Variants in NRAS observed in about 807,000 individuals in gnomAD.
NRAS encodes NRAS proto-oncogene, GTPase.
NRAS carries 6 observed loss-of-function variants against 21.3 expected under a neutral mutation model. That is an observed-to-expected ratio of 0.28 (90% CI 0.15 to 0.56). The LOEUF is 0.56. Ranked by LOEUF, NRAS falls within the 20% of genes least tolerant of loss-of-function variation. The pLI is 0.93. For synonymous variants in NRAS, 84 were observed against 82.0 expected, an observed-to-expected ratio of 1.02 and a Z score of -0.13; for missense variants, 143 against 231.3, an observed-to-expected ratio of 0.62 and a Z score of 2.48.
Position 114,711,415 on chromosome 1 carries a change from T to C in NRAS, c.291-1687A>G, listed in dbSNP as rs1659041956. 2.0e-5 allele frequency among the ~76,000 whole-genome samples: 3 copies of C among 151,744 alleles called. No individual in the cohort carries two copies. In the South Asian group the frequency reaches 6.2e-4, roughly 32 times the overall value. ...GAGTTTGAAACCAGCCCGGCCAACA[T>C]GGTGAAACCCCAAGTCTACTAAAAA... is the stretch of plus-strand genomic sequence containing the variant. On this transcript the variant is annotated intron_variant, in intron 3 of 6. Coordinates refer to ENST00000369535, the MANE Select transcript of NRAS (RefSeq NM_002524.5).
At chr1:114,716,429 C>T (rs1337801986) in intron 1 of NRAS, among the ~76,000 whole-genome samples, 2 of 152,072 alleles carry the variant, frequency 1.3e-5, no homozygotes, top group Non-Finnish European at 2.9e-5. Flanking sequence ...AATCCCCCTT[C>T]CTATTACTCC....
chr1:114,712,509 C>CA, intron 3 of NRAS, among the ~76,000 whole-genome samples: 1 of 151,926 alleles, frequency 6.6e-6, no homozygotes, highest in African/African-American at 2.4e-5. Flanking sequence ...TCTAGAAATT[C>CA]AAAAAACATT....
Position 114,716,106 on chromosome 1 carries a change from G to A in NRAS, c.55C>T (p.Leu19=), listed in dbSNP as rs1659158278. ...VGAGGVGKSA[L]TIQLIQNHFV... ...TGGTTCTGGATTAGCTGGATTGTCAGTGCGCTTTTCCCAACACCACCTGCT... is the reference window on the plus strand; with the variant it reads ...TGGTTCTGGATTAGCTGGATTGTCAATGCGCTTTTCCCAACACCACCTGCT... The change falls in exon 2 of 7, where the codon CTG becomes TTG. Residue 19 remains leucine, a synonymous_variant. Coordinates refer to ENST00000369535, the MANE Select transcript of NRAS (RefSeq NM_002524.5). 6.2e-7 allele frequency: 1 copy of A among 1,614,052 alleles called. No homozygotes were observed. The highest frequency in any genetic ancestry group is 1.6e-4 in the Middle Eastern group (1 of 6,062).
intron 1 of NRAS, 85 bp downstream of exon 1, chr1:114,716,573 T>TA (rs1257996434): frequency 3.0e-5 from 10 of 334,120 alleles, no homozygotes; most frequent in Admixed American, 2.5e-4. Flanking sequence ...CTCCAGCTGA[T>TA]AGATTCTGCT....
At position 114,709,737 on chromosome 1, in the gene NRAS, G is replaced by A. The variant is rs370588248; in HGVS notation, c.291-9C>T. The A allele has an allele frequency of 7.5e-6, 12 of 1,606,358 alleles. No individual in the cohort carries two copies. Among genetic ancestry groups the A allele is most frequent in the African/African-American group, 2.7e-5 (2 of 74,736 alleles). The stretch of plus-strand genomic sequence containing the variant: ...CTCGCTTAATCTGCTCCCTAAAAAC[G>A]GGAATATATTATCAGAACATAAGAA... On this transcript the variant is annotated splice_polypyrimidine_tract_variant and intron_variant, in intron 3 of 6. Transcript: ENST00000369535.
At chr1:114,712,554 A>G (rs1659070837) in intron 3 of NRAS, among the ~76,000 whole-genome samples, 2 of 152,210 alleles carry the variant, frequency 1.3e-5, no homozygotes, top group Admixed American at 1.3e-4. Flanking sequence ...CATTTTATTA[A>G]GTACTGCTAT....
At chr1:114,711,901 T>C (rs1397723109) in intron 3 of NRAS, among the ~76,000 whole-genome samples, 1 of 152,198 alleles carries the variant, frequency 6.6e-6, no homozygotes, top group Non-Finnish European at 1.5e-5. Flanking sequence ...CTATTGAGCA[T>C]TTGGTAGTCA....
chr1:114,710,402 G>T (rs1404661062), intron 3 of NRAS, among the ~76,000 whole-genome samples: 1 of 148,312 alleles, frequency 6.7e-6, no homozygotes, highest in Non-Finnish European at 1.5e-5. Flanking sequence ...TGTAGTCCCA[G>T]CTAATTGGGA....
In NRAS at chr1:114,706,563, T is replaced by A. The variant is rs1658923917; in HGVS notation, c.*1531A>T. On this transcript the variant is annotated 3_prime_UTR_variant, in exon 7 of 7. Coordinates refer to ENST00000369535, the MANE Select transcript of NRAS (RefSeq NM_002524.5). ...TTTAAAACGTTTCTCAGCTGAGACA[T>A]CCTCATTCTCAAATGAGAATATTGG... 1 of 152,188 alleles carries A rather than the reference T, an allele frequency of 6.6e-6. No individual in the cohort carries two copies. The highest frequency in any genetic ancestry group is 1.5e-5 in the Non-Finnish European group (1 of 68,038). 9.4% of individuals were successfully genotyped at this position (152,188 alleles called of 1,614,324 possible). A position where few individuals can be genotyped will look rare whatever the true frequency, so the allele number is the denominator to read the frequency against.
At position 114,716,736 on chromosome 1, in the gene NRAS, G is replaced by C; in HGVS notation, c.-96C>G. 6.3e-6 allele frequency: 1 copy of C among 159,612 alleles called. No individual in the cohort carries two copies. Among genetic ancestry groups the C allele is most frequent in the Admixed American group, 5.9e-5 (1 of 16,828 alleles). The allele number at this position is 159,612 out of a possible 1,614,324, so 9.9% of individuals were successfully genotyped here. On this transcript the variant is annotated 5_prime_UTR_variant, in exon 1 of 7. Transcript: ENST00000369535. The stretch of plus-strand genomic sequence containing the variant: ...ATGTTGGAGACCCCGGAACCGCCAT[G>C]AACAGCCCCCACCAAGGAGCGGCAC...
chr1:114,712,849 G>A (rs1380226706), intron 3 of NRAS, among the ~76,000 whole-genome samples: 1 of 152,154 alleles, frequency 6.6e-6, no homozygotes, highest in Non-Finnish European at 1.5e-5. Context: ...CCTGAGTCAC[G>A]TCGCTAATAA....
chr1:114,708,277 G>A (rs1658961589), intron 5 of NRAS, 85 bp from the exon 6 acceptor site: 2 of 503,086 alleles, frequency 4.0e-6, no homozygotes, highest in African/African-American at 1.9e-5. Flanking sequence ...GCCAGGAATA[G>A]GGTATGCCTA....
In NRAS at chr1:114,716,644, T is replaced by C. The variant is rs1570878636; in HGVS notation, c.-18+14A>G. On this transcript the variant is annotated intron_variant, in intron 1 of 6. Coordinates refer to ENST00000369535, the MANE Select transcript of NRAS (RefSeq NM_002524.5). ...ACAGCCCAAAGCCGAACACTATGCA[T>C]GAGATAAACTTACCTCAAGCTCCAC... 4.2e-6 allele frequency: 1 copy of C among 237,846 alleles called. No homozygotes were observed. The highest frequency in any genetic ancestry group is 2.3e-5 in the African/African-American group (1 of 44,376). 14.7% of individuals were successfully genotyped at this position (237,846 alleles called of 1,614,324 possible). A position where few individuals can be genotyped will look rare whatever the true frequency, so the allele number is the denominator to read the frequency against.
At chr1:114,714,059 G>A in intron 2 of NRAS, 81 bp from the exon 3 acceptor site, 1 of 897,168 alleles carries the variant, frequency 1.1e-6, no homozygotes, top group Non-Finnish European at 1.7e-6. Context: ...CAATGCTATT[G>A]CCAAGGTTAA....
In NRAS at chr1:114,708,506, T is replaced by C. The variant is rs759238568; in HGVS notation, c.*4+25A>G. On this transcript the variant is annotated intron_variant, in intron 5 of 6. Coordinates refer to ENST00000369535, the MANE Select transcript of NRAS (RefSeq NM_002524.5). ...CAATACTATATACTAAGATTTGTAATTATGCCAAGAAACCATATGCTCACC... is the reference window on the plus strand; with the variant it reads ...CAATACTATATACTAAGATTTGTAACTATGCCAAGAAACCATATGCTCACC... The C allele has an allele frequency of 4.3e-6, 7 of 1,611,268 alleles. No individual in the cohort carries two copies. In the South Asian group the frequency reaches 7.7e-5, roughly 18 times the overall value.
intron 3 of NRAS, 50 bp downstream of exon 3, chr1:114,713,750 G>T: frequency 6.8e-7 from 1 of 1,477,352 alleles, no homozygotes; most frequent in Non-Finnish European, 9.5e-7. Context: ...TCCCCATAAA[G>T]ATTCAGAACA....
At chr1:114,714,008 A>G in intron 2 of NRAS, 30 bp from the exon 3 acceptor site, 22 of 577,492 alleles carry the variant, frequency 3.8e-5, no homozygotes, top group Non-Finnish European at 5.6e-5. Context: ...GGGGGCAGGG[A>G]GGGAGGGAAG....
At position 114,704,936 on chromosome 1, in the gene NRAS, T is replaced by C. The variant is rs889912245; in HGVS notation, c.*3158A>G. The C allele has an allele frequency of 1.3e-5, 2 of 152,228 alleles. No homozygotes were observed. The highest frequency in any genetic ancestry group is 6.5e-5 in the Admixed American group (1 of 15,280). The allele number at this position is 152,228 out of a possible 1,614,324, so 9.4% of individuals were successfully genotyped here. On this transcript the variant is annotated 3_prime_UTR_variant, in exon 7 of 7. Coordinates refer to ENST00000369535, the MANE Select transcript of NRAS (RefSeq NM_002524.5). ...GAAAAATAATGTACAAGAATTATAG[T>C]CCCTTGTTTATAGAAACCATCCAAA...
chr1:114,715,127 A>G (rs1659126929), intron 2 of NRAS, among the ~76,000 whole-genome samples: 1 of 152,176 alleles, frequency 6.6e-6, no homozygotes, highest in South Asian at 2.1e-4. Context: ...CTCTGGTTCA[A>G]GCGATTCTCC....
Sources: allele counts gnomAD v4.1 joint callset (sites outside exome capture counted in the v4.1 genomes callset), GRCh38; gene constraint gnomAD v4.1.1; transcripts MANE v1.5; gene names NCBI Gene and HGNC (gene_info 2026-07-23, HGNC 2026-07-21).